Variants in SRL observed in about 807,000 individuals in gnomAD.
SRL encodes the protein sarcalumenin.
A neutral mutation model predicts 39.5 loss-of-function variants in SRL; 23 were observed. That is an observed-to-expected ratio of 0.58 (90% CI 0.42 to 0.82). SRL has a LOEUF of 0.82. Ranked by LOEUF, SRL falls within the 40% of genes least tolerant of loss-of-function variation. The pLI, the probability that SRL is intolerant of heterozygous loss-of-function variation, is 0.00. For synonymous variants in SRL, 272 were observed against 237.4 expected (o/e 1.15, Z -1.34); for missense variants, 592 against 607.8 (o/e 0.97, Z 0.27).
At chr16:4,199,149 G>A (rs907255643) in intron 3 of SRL, among the ~76,000 whole-genome samples, 1 of 151,896 alleles carries the variant, frequency 6.6e-6, no homozygotes, top group African/African-American at 2.4e-5. Flanking sequence ...CTCCCCTTTT[G>A]TTTCATTTAT....
intron 5 of SRL, among the ~76,000 whole-genome samples, chr16:4,194,944 G>C (rs2052116366): frequency 6.6e-6 from 1 of 151,794 alleles, no homozygotes; most frequent in African/African-American, 2.4e-5. Context: ...ACTAAGGCTG[G>C]AGTGCAGTAG....
intron 1 of SRL, among the ~76,000 whole-genome samples, chr16:4,237,825 A>G (rs780553531): frequency 2.6e-5 from 4 of 151,638 alleles, no homozygotes; most frequent in Non-Finnish European, 5.9e-5. Context: ...ATATTCCCTC[A>G]TCCGTAAAAC....
intron 1 of SRL, among the ~76,000 whole-genome samples, chr16:4,236,179 T>G (rs1051028209): frequency 3.3e-5 from 5 of 152,342 alleles, no homozygotes; most frequent in South Asian, 2.1e-4. Context: ...CCAAACTTAA[T>G]TTTTAAAGGT....
chr16:4,203,635 C>T (rs2052269003), intron 2 of SRL, among the ~76,000 whole-genome samples: 1 of 152,200 alleles, frequency 6.6e-6, no homozygotes, highest in African/African-American at 2.4e-5. Context: ...GATCCACCCA[C>T]CTCAGCCTCC....
intron 1 of SRL, among the ~76,000 whole-genome samples, chr16:4,221,196 A>C (rs1323417486): frequency 6.6e-6 from 1 of 151,936 alleles, no homozygotes; most frequent in Non-Finnish European, 1.5e-5. Flanking sequence ...CTACAGGTGC[A>C]TGCCACCATG....
intron 1 of SRL, among the ~76,000 whole-genome samples, chr16:4,209,084 C>A (rs1009565099): frequency 6.6e-6 from 1 of 152,096 alleles, no homozygotes; most frequent in Non-Finnish European, 1.5e-5. Flanking sequence ...ACCAGCCTGG[C>A]CAACATGGTG....
intron 1 of SRL, among the ~76,000 whole-genome samples, chr16:4,205,036 G>C (rs539521401): frequency 6.6e-6 from 1 of 151,828 alleles, no homozygotes; most frequent in Non-Finnish European, 1.5e-5. Context: ...TTAAAGTAAC[G>C]CTAGGGCCGA....
chr16:4,236,395 T>C (rs921373619), intron 1 of SRL, among the ~76,000 whole-genome samples: 4 of 152,160 alleles, frequency 2.6e-5, no homozygotes, highest in African/African-American at 9.7e-5. Context: ...CCTATCTTTC[T>C]GAAATTCATT....
chr16:4,215,673 T>C (rs1182638441), intron 1 of SRL, among the ~76,000 whole-genome samples: 1 of 152,134 alleles, frequency 6.6e-6, no homozygotes, highest in Non-Finnish European at 1.5e-5. Flanking sequence ...GCCCACCCTC[T>C]TCTACTCTTC....
chr16:4,201,461 G>A (rs1038172014), intron 3 of SRL, among the ~76,000 whole-genome samples: 1 of 150,480 alleles, frequency 6.6e-6, no homozygotes, highest in Non-Finnish European at 1.5e-5. Flanking sequence ...ATTTTTAGTA[G>A]AGGCAGGGTT....
intron 1 of SRL, among the ~76,000 whole-genome samples, chr16:4,224,648 T>C (rs2052567298): frequency 1.3e-5 from 2 of 151,744 alleles, no homozygotes. Context: ...GAGACGGAGT[T>C]TGCAGTGAGC....
intron 3 of SRL, among the ~76,000 whole-genome samples, chr16:4,202,039 C>T (rs1382466512): frequency 1.3e-5 from 2 of 152,190 alleles, no homozygotes; most frequent in Non-Finnish European, 2.9e-5. Flanking sequence ...CATCCTCCCA[C>T]CTCTGCCTCC....
Position 4,195,571 on chromosome 16 carries a change from G to C in SRL, c.592C>G (p.Arg198Gly). 1 of 1,614,128 alleles carries C rather than the reference G, an allele frequency of 6.2e-7. No individual in the cohort carries two copies. Residue 198 changes from arginine to glycine, a missense_variant, in exon 5 of 6, where the codon CGC becomes GGC. Transcript: ENST00000399609. ...FVDTPGIIEN[R>G]KQQERGYPFN... ...AAATTACCTCTTTCTTGCTGCTTGC[G>C]GTTCTCGATGATGCCTGGTGTATCC... is the stretch of plus-strand genomic sequence containing the variant.
intron 1 of SRL, among the ~76,000 whole-genome samples, chr16:4,233,501 C>A (rs986179716): frequency 6.6e-6 from 1 of 152,212 alleles, no homozygotes; most frequent in Non-Finnish European, 1.5e-5. Flanking sequence ...TGTCCCTCTG[C>A]ACAGCCAACC....
chr16:4,229,068 G>GA (rs2052630056), intron 1 of SRL, among the ~76,000 whole-genome samples: 2 of 152,252 alleles, frequency 1.3e-5, no homozygotes, highest in South Asian at 4.1e-4. Context: ...CAAAGACACA[G>GA]AATCAACCCA....
chr16:4,193,047 G>A (rs1371028546), intron 5 of SRL, 83 bp from the exon 6 acceptor site: 1 of 1,252,110 alleles, frequency 8.0e-7, no homozygotes. Context: ...AAACCATTCT[G>A]GGGGTTGAAA....
chr16:4,189,384 A>G lies in SRL; in HGVS notation c.*2769T>C, dbSNP rs1023915052. 1.3e-5 allele frequency: 2 copies of G among 152,242 alleles called. No homozygotes were observed. Among genetic ancestry groups the G allele is most frequent in the African/African-American group, 4.8e-5 (2 of 41,452 alleles). 9.4% of individuals were successfully genotyped at this position (152,242 alleles called of 1,614,324 possible). On this transcript the variant is annotated 3_prime_UTR_variant, in exon 6 of 6. Transcript: ENST00000399609. ...AGAAAGCACGCGGTGTTAAAGAGAG[A>G]TCGGAACTTTATTGAGACTGATGAA... is the stretch of plus-strand genomic sequence containing the variant.
At chr16:4,217,318 G>A (rs1309325014) in intron 1 of SRL, among the ~76,000 whole-genome samples, 1 of 152,160 alleles carries the variant, frequency 6.6e-6, no homozygotes, top group East Asian at 1.9e-4. Flanking sequence ...CTGGACTGGA[G>A]TGCAGCAGTG....
chr16:4,192,686 C>G lies in SRL; in HGVS notation c.889G>C (p.Glu297Gln). Residue 297 changes from glutamate (E) to glutamine (Q), a missense_variant, in exon 6 of 6, where the codon GAG (glutamate) becomes CAG (glutamine). Glu to Gln is a conservative substitution (Grantham distance 29). Transcript: ENST00000399609. The surrounding 1 kb of genome is among the most constrained non-coding windows in gnomAD (Gnocchi z 4.0). ...TCCTGATGGGTGTCCGGCTTATACT[C>G]TTGTGGCCAGAAGGAGCTGACGTAA... Reference protein sequence around the residue: ...RVYVSSFWPQEYKPDTHQELF... With the variant: ...RVYVSSFWPQQYKPDTHQELF... 5 of 1,614,136 alleles carry G rather than the reference C, an allele frequency of 3.1e-6. No individual in the cohort carries two copies. Among genetic ancestry groups the G allele is most frequent in the Non-Finnish European group, 4.2e-6 (5 of 1,180,032 alleles).
Sources: allele counts gnomAD v4.1 joint callset (sites outside exome capture counted in the v4.1 genomes callset), GRCh38; gene constraint gnomAD v4.1.1; non-coding constraint Gnocchi (gnomAD v3.1); transcripts MANE v1.5; gene names NCBI Gene and HGNC (gene_info 2026-07-23, HGNC 2026-07-21).